Variants in HIBADH observed in about 807,000 individuals in gnomAD.
HIBADH encodes the protein 3-hydroxyisobutyrate dehydrogenase.
Under a neutral mutation model 36.1 loss-of-function variants are expected in HIBADH, and 25 were observed. The ratio of observed to expected loss-of-function variants is 0.69; its 90% CI spans 0.50 to 0.97. The LOEUF is 0.97. Among genes scored for constraint, HIBADH ranks in the 50% least tolerant of loss-of-function variants. HIBADH has a pLI of 0.00. For missense variants in HIBADH, 421 were observed against 418.0 expected (o/e 1.01, Z -0.06); for synonymous variants, 160 against 149.5 (o/e 1.07, Z -0.51).
intron 4 of HIBADH, among the ~76,000 whole-genome samples, chr7:27,554,776 A>C (rs976322750): frequency 6.6e-6 from 1 of 152,214 alleles, no homozygotes; most frequent in African/African-American, 2.4e-5. Context: ...ACTAAAGATT[A>C]AGAGAAGGCT....
At chr7:27,566,264 A>T (rs1307033856) in intron 4 of HIBADH, among the ~76,000 whole-genome samples, 1 of 152,232 alleles carries the variant, frequency 6.6e-6, no homozygotes, top group South Asian at 2.1e-4. Context: ...ATGTGGTAGA[A>T]TTCATCACAA....
At chr7:27,646,973 G>A (rs755222911) in intron 2 of HIBADH, among the ~76,000 whole-genome samples, 2 of 152,108 alleles carry the variant, frequency 1.3e-5, no homozygotes, top group African/African-American at 4.8e-5. Flanking sequence ...TGGGATTATA[G>A]GCACAAGACA....
chr7:27,531,304 C>G lies in HIBADH; in HGVS notation c.740G>C (p.Ser247Thr), dbSNP rs778718460. 8.0e-5 allele frequency: 129 copies of G among 1,613,706 alleles called. No homozygotes were observed. Among genetic ancestry groups the G allele is most frequent in the Non-Finnish European group, 1.1e-4 (126 of 1,179,856 alleles). Residue 247 changes from serine (S) to threonine (T), a missense_variant, in exon 7 of 8, where the codon AGC (serine) becomes ACC (threonine). Ser to Thr is a moderately conservative substitution (Grantham distance 58, BLOSUM62 1). Transcript: ENST00000265395. Reference sequence around the variant, plus strand: ...GTCACTTGACCAACACCGTCCTGAGCTCATATTTAGGATTTTAGCCAGTAG... The same window carrying G: ...GTCACTTGACCAACACCGTCCTGAGGTCATATTTAGGATTTTAGCCAGTAG... Reference protein sequence around the residue: ...PKLLAKILNMSSGRCWSSDTY... With the variant: ...PKLLAKILNMTSGRCWSSDTY...
chr7:27,622,641 T>C (rs1281232834), intron 4 of HIBADH, among the ~76,000 whole-genome samples: 1 of 152,094 alleles, frequency 6.6e-6, no homozygotes, highest in East Asian at 1.9e-4. Context: ...CAGAGACTAT[T>C]ATGAACTACT....
At chr7:27,527,487 T>C (rs532989577) in intron 7 of HIBADH, among the ~76,000 whole-genome samples, 2 of 152,242 alleles carry the variant, frequency 1.3e-5, no homozygotes, top group East Asian at 3.9e-4. Context: ...ACAAACGTCA[T>C]GGGGAATGAG....
At chr7:27,548,800 G>T (rs1784273907) in intron 4 of HIBADH, among the ~76,000 whole-genome samples, 1 of 152,156 alleles carries the variant, frequency 6.6e-6, no homozygotes, top group African/African-American at 2.4e-5. Context: ...CCAAGTGTCA[G>T]ATGAATGAGG....
At chr7:27,569,035 T>G (rs1406073672) in intron 4 of HIBADH, among the ~76,000 whole-genome samples, 11 of 152,052 alleles carry the variant, frequency 7.2e-5, no homozygotes, top group Admixed American at 7.2e-4. Flanking sequence ...TCTTACAGTC[T>G]TCTTCTTTTA....
chr7:27,530,693 T>C (rs1268869625), intron 7 of HIBADH, among the ~76,000 whole-genome samples: 1 of 152,090 alleles, frequency 6.6e-6, no homozygotes. Flanking sequence ...ACAGTTTGCT[T>C]TTCCAATGAC....
chr7:27,566,883 T>A (rs1400931702), intron 4 of HIBADH, among the ~76,000 whole-genome samples: 2 of 152,162 alleles, frequency 1.3e-5, no homozygotes, highest in African/African-American at 4.8e-5. Flanking sequence ...GTTTAAATCT[T>A]TATGATTAAA....
At chr7:27,643,625 G>A (rs1786001372) in intron 2 of HIBADH, among the ~76,000 whole-genome samples, 1 of 152,178 alleles carries the variant, frequency 6.6e-6, no homozygotes, top group African/African-American at 2.4e-5. Context: ...GATTCCCAAT[G>A]TTTGCTACAT....
rs116799424 is a variant in HIBADH, at chr7:27,566,234, A to G, written c.485-23134T>C. On this transcript the variant is annotated intron_variant, in intron 4 of 7. Transcript: ENST00000265395. ...CTAGAAGAAATTGTGTAGAACTGCT[A>G]TTTCTTTAAATAAGAAGAAATGTGG... 8.3e-3 allele frequency among the ~76,000 whole-genome samples: 1,264 copies of G among 152,174 alleles called. 11 individuals carry two copies. Among genetic ancestry groups the G allele is most frequent in the African/African-American group, 0.028 (1,170 of 41,548 alleles).
At chr7:27,636,003 TAA>T (rs1030675203) in intron 2 of HIBADH, among the ~76,000 whole-genome samples, 17 of 152,210 alleles carry the variant, frequency 1.1e-4, no homozygotes, top group African/African-American at 4.1e-4. Flanking sequence ...GTGTGTAATA[TAA>T]AGAGCAGAGG....
chr7:27,604,346 T>C, intron 4 of HIBADH, among the ~76,000 whole-genome samples: 1 of 152,086 alleles, frequency 6.6e-6, no homozygotes, highest in Admixed American at 6.5e-5. Flanking sequence ...ATAAAATTGA[T>C]ATGCTGAGCC....
intron 4 of HIBADH, among the ~76,000 whole-genome samples, chr7:27,594,728 A>G (rs536148457): frequency 1.3e-5 from 2 of 152,272 alleles, no homozygotes; most frequent in South Asian, 4.1e-4. Context: ...CAGTAAAATA[A>G]AGCAACGGAA....
intron 7 of HIBADH, among the ~76,000 whole-genome samples, chr7:27,528,715 T>G (rs573541726): frequency 1.9e-3 from 286 of 152,320 alleles, no homozygotes; most frequent in African/African-American, 6.6e-3. Flanking sequence ...AAGCAGCAAC[T>G]GCTGATGGAG....
chr7:27,639,790 A>G (rs1785927546), intron 2 of HIBADH, among the ~76,000 whole-genome samples: 1 of 152,222 alleles, frequency 6.6e-6, no homozygotes, highest in South Asian at 2.1e-4. Context: ...ATGACCACAA[A>G]TAACAAGTTC....
chr7:27,558,742 A>C (rs1784427428), intron 4 of HIBADH, among the ~76,000 whole-genome samples: 1 of 152,158 alleles, frequency 6.6e-6, no homozygotes, highest in South Asian at 2.1e-4. Flanking sequence ...TTAGTCTATA[A>C]AATCTCTTCC....
intron 4 of HIBADH, among the ~76,000 whole-genome samples, chr7:27,594,332 G>A (rs1056752921): frequency 6.6e-6 from 1 of 151,758 alleles, no homozygotes; most frequent in Non-Finnish European, 1.5e-5. Context: ...TAGTAGAGAC[G>A]AGGTTTCACC....
intron 4 of HIBADH, among the ~76,000 whole-genome samples, chr7:27,553,684 C>T (rs905799339): frequency 6.6e-6 from 1 of 152,048 alleles, no homozygotes; most frequent in Non-Finnish European, 1.5e-5. Flanking sequence ...TTGGCATTCA[C>T]CTCAGATCAA....
Sources: allele counts gnomAD v4.1 joint callset (sites outside exome capture counted in the v4.1 genomes callset), GRCh38; gene constraint gnomAD v4.1.1; transcripts MANE v1.5; gene names NCBI Gene and HGNC (gene_info 2026-07-23, HGNC 2026-07-21).